SUMF1: variants seen among roughly 807,000 people sequenced by gnomAD.
The protein encoded by SUMF1 is sulfatase modifying factor 1, also known as formylglycine-generating enzyme.
Under a neutral mutation model 47.6 loss-of-function variants are expected in SUMF1, and 48 were observed. The ratio of observed to expected loss-of-function variants is 1.01; its 90% CI spans 0.80 to 1.28. The LOEUF is 1.28. Among genes scored for constraint, SUMF1 ranks in the 50% most tolerant of loss-of-function variants. The pLI is 0.00. For synonymous variants in SUMF1, 230 were observed against 192.1 expected (o/e 1.20, Z -1.63); for missense variants, 571 against 485.4 (o/e 1.18, Z -1.66).
At chr3:4,317,617 T>TA (rs971999980) in intron 8 of SUMF1, 3 of 156,808 alleles carry the variant, frequency 1.9e-5, no homozygotes, top group East Asian at 1.9e-4. Flanking sequence ...AGCTTTTCTT[T>TA]AAAAAAATTT....
chr3:4,390,541 C>G (rs887979063), intron 7 of SUMF1, among the ~76,000 whole-genome samples: 1 of 152,164 alleles, frequency 6.6e-6, no homozygotes, highest in African/African-American at 2.4e-5. Flanking sequence ...GTTAGCATTT[C>G]TGGGTTGCTT....
chr3:4,362,856 G>A (rs1699811634), intron 8 of SUMF1, among the ~76,000 whole-genome samples: 1 of 152,050 alleles, frequency 6.6e-6, no homozygotes, highest in Non-Finnish European at 1.5e-5. Context: ...TGAGGCTGCA[G>A]TACACCATCA....
chr3:4,130,115 C>T (rs929952372), intron 8 of SUMF1, among the ~76,000 whole-genome samples: 5 of 152,120 alleles, frequency 3.3e-5, no homozygotes, highest in African/African-American at 1.2e-4. Flanking sequence ...GAATGATTCC[C>T]ACCACAACCC....
At chr3:4,151,494 CG>C (rs1694330526) in intron 8 of SUMF1, among the ~76,000 whole-genome samples, 2 of 129,988 alleles carry the variant, frequency 1.5e-5, no homozygotes, top group Admixed American at 7.7e-5. Flanking sequence ...TGTATATATA[CG>C]TATATATGTG....
intron 8 of SUMF1, among the ~76,000 whole-genome samples, chr3:4,156,390 A>G (rs1694452878): frequency 6.6e-6 from 1 of 151,560 alleles, no homozygotes; most frequent in Admixed American, 6.6e-5. Context: ...AACGTTATCT[A>G]TATTTGCTAG....
intron 8 of SUMF1, among the ~76,000 whole-genome samples, chr3:4,267,053 C>T (rs1424334400): frequency 6.6e-6 from 1 of 152,170 alleles, no homozygotes; most frequent in Non-Finnish European, 1.5e-5. Flanking sequence ...ATTGAACCAG[C>T]CTTGCATCCC....
chr3:4,313,051 G>A (rs754790086), intron 8 of SUMF1: 2 of 1,613,942 alleles, frequency 1.2e-6, no homozygotes, highest in Non-Finnish European at 1.7e-6. Flanking sequence ...ATGCCTTAGA[G>A]ATATAGGATC....
intron 8 of SUMF1, among the ~76,000 whole-genome samples, chr3:4,282,662 T>C (rs548570946): frequency 1.3e-5 from 2 of 152,174 alleles, no homozygotes; most frequent in Non-Finnish European, 2.9e-5. Context: ...GGAGAACTGT[T>C]GCTCAGTCAA....
At chr3:4,312,764 A>G (rs1041747309) in intron 8 of SUMF1, 8 of 941,810 alleles carry the variant, frequency 8.5e-6, no homozygotes, top group Non-Finnish European at 1.2e-5. Flanking sequence ...ATATCTTAGT[A>G]TGCTGTGTTT....
chr3:4,127,356 T>A (rs769436999), intron 8 of SUMF1, among the ~76,000 whole-genome samples: 1 of 152,152 alleles, frequency 6.6e-6, no homozygotes, highest in Non-Finnish European at 1.5e-5. Context: ...ATCCTGGGTG[T>A]GTCTGTGAGG....
chr3:4,374,385 A>C (rs932213802), intron 8 of SUMF1, among the ~76,000 whole-genome samples: 5 of 152,244 alleles, frequency 3.3e-5, no homozygotes, highest in African/African-American at 7.2e-5. Flanking sequence ...TGTACTTAAT[A>C]AAGTATGTAG....
intron 9 of SUMF1, among the ~76,000 whole-genome samples, chr3:4,037,582 T>C (rs1694822161): frequency 1.3e-5 from 2 of 152,178 alleles, no homozygotes; most frequent in South Asian, 4.1e-4. Flanking sequence ...TTAGTTTCCT[T>C]TGATTGGATT....
chr3:4,209,152 T>C (rs575613959), intron 8 of SUMF1, among the ~76,000 whole-genome samples: 3 of 152,184 alleles, frequency 2.0e-5, no homozygotes, highest in African/African-American at 7.2e-5. Flanking sequence ...AATGATTCAA[T>C]TCAATAAAAT....
chr3:4,143,964 T>G (rs1242983994), intron 8 of SUMF1, among the ~76,000 whole-genome samples: 1 of 151,090 alleles, frequency 6.6e-6, no homozygotes, highest in Non-Finnish European at 1.5e-5. Flanking sequence ...AGTGCCTCCT[T>G]AAAGTGACCA....
intron 8 of SUMF1, among the ~76,000 whole-genome samples, chr3:4,253,466 G>T (rs189893480): frequency 6.6e-6 from 1 of 152,140 alleles, no homozygotes; most frequent in Non-Finnish European, 1.5e-5. Context: ...CAAGGGGTCA[G>T]GGAGTTCCCT....
intron 8 of SUMF1, among the ~76,000 whole-genome samples, chr3:4,317,891 G>A (rs1698726487): frequency 6.6e-6 from 1 of 152,164 alleles, no homozygotes; most frequent in Admixed American, 6.6e-5. Flanking sequence ...TCTGTAGGAT[G>A]TGACCCAAAG....
At chr3:4,065,226 C>CT (rs61682028) in intron 9 of SUMF1, among the ~76,000 whole-genome samples, 24 of 151,274 alleles carry the variant, frequency 1.6e-4, no homozygotes, top group East Asian at 3.9e-4. Context: ...TGCTTTTTTG[C>CT]TTTTTTTTTC....
intron 8 of SUMF1, among the ~76,000 whole-genome samples, chr3:4,121,354 G>A (rs1024689160): frequency 7.9e-5 from 12 of 152,220 alleles, no homozygotes; most frequent in African/African-American, 2.9e-4. Context: ...TCTTTACTAT[G>A]TACTAGGTTC....
rs570167202 is a variant in SUMF1, at chr3:4,120,032, T to C, written c.1015-51287A>G. Among the ~76,000 whole-genome samples the C allele has an allele frequency of 2.6e-5, 4 of 152,292 alleles. No individual in the cohort carries two copies. In the South Asian group the frequency reaches 6.2e-4, roughly 24 times the overall value. On this transcript the variant is annotated intron_variant and NMD_transcript_variant, in intron 8 of 12. Coordinates refer to the SUMF1 transcript ENST00000448413. Reference sequence around the variant, plus strand: ...CCCTCCTGATTCTTAATTTAGCCCCTGTGCAGACATATCCTCACAGAGGAG... The same window carrying C: ...CCCTCCTGATTCTTAATTTAGCCCCCGTGCAGACATATCCTCACAGAGGAG...
Sources: allele counts gnomAD v4.1 joint callset (sites outside exome capture counted in the v4.1 genomes callset), GRCh38; gene constraint gnomAD v4.1.1; transcripts MANE v1.5; gene names NCBI Gene and HGNC (gene_info 2026-07-23, HGNC 2026-07-21).